The following TRIP11 variants were observed in gnomAD, a reference collection of about 807,000 sequenced individuals.
TRIP11 encodes the protein thyroid hormone receptor interactor 11.
A neutral mutation model predicts 223.1 loss-of-function variants in TRIP11; 148 were observed. The observed-to-expected ratio is 0.66, with a 90% CI of 0.58 to 0.76. The LOEUF is 0.76. TRIP11 is among the 30% of genes least tolerant of loss of function. TRIP11 has a pLI of 0.00. For missense variants in TRIP11, 2,043 were observed against 2,222.0 expected, an observed-to-expected ratio of 0.92 and a Z score of 1.62; for synonymous variants, 762 against 772.6, an observed-to-expected ratio of 0.99 and a Z score of 0.23.
At chr14:92,018,799 T>C (rs1256916051) in intron 4 of TRIP11, among the ~76,000 whole-genome samples, 1 of 149,900 alleles carries the variant, frequency 6.7e-6, no homozygotes, top group African/African-American at 2.5e-5. Context: ...CTATTAAAAA[T>C]ACAAAAAAAA....
intron 2 of TRIP11, among the ~76,000 whole-genome samples, 180 bp downstream of exon 2, chr14:92,033,012 C>T (rs1009288244): frequency 1.3e-5 from 2 of 151,786 alleles, no homozygotes; most frequent in Non-Finnish European, 2.9e-5. Flanking sequence ...ACTGCAGTAA[C>T]AGGTAAATAT....
Position 92,011,754 on chromosome 14 carries a change from C to A in TRIP11, c.1227+1G>T. The A allele has an allele frequency of 6.2e-7, 1 of 1,611,228 alleles. No individual in the cohort carries two copies. ...CATAACATTTGTCAAAATTAATTTA[C>A]CTGGTTTAAACTACTCAATCTCATT... On this transcript the variant is annotated splice_donor_variant, in intron 8 of 20. Coordinates refer to ENST00000267622, the MANE Select transcript of TRIP11 (RefSeq NM_004239.4). LOFTEE classifies it high-confidence loss of function.
chr14:91,975,223 C>T lies in TRIP11; in HGVS notation c.5406G>A (p.Val1802=). ...CCAGGATGCTCCCCATTAACCGTAA[C>T]ACTTCATGACGCTGATTTTTCGGTG... is the stretch of plus-strand genomic sequence containing the variant. ...FHTPKNQRHE[V]LRLMGSILGV... is the part of the protein sequence containing the mutation. Residue 1802 remains valine, a synonymous_variant, in exon 18 of 21, where the codon GTG becomes GTA. Transcript: ENST00000267622. 2 of 1,613,866 alleles carry T rather than the reference C, an allele frequency of 1.2e-6. No individual in the cohort carries two copies. The highest frequency in any genetic ancestry group is 1.7e-6 in the Non-Finnish European group (2 of 1,179,844).
intron 8 of TRIP11, among the ~76,000 whole-genome samples, chr14:92,011,475 C>T (rs2056971733): frequency 9.3e-6 from 1 of 107,886 alleles, no homozygotes; most frequent in African/African-American, 3.9e-5. Context: ...CAGAGCAAGA[C>T]TCCGTCTCAA....
At position 91,972,864 on chromosome 14, in the gene TRIP11, A is replaced by C; in HGVS notation, c.5575-3T>G. ...TTAACAAAAAGTTCTGAAAAAGACT[A>C]AGAAAAAATATTTTGGTTATATTAG... On this transcript the variant is annotated splice_polypyrimidine_tract_variant and splice_region_variant and intron_variant, in intron 19 of 20. Transcript: ENST00000267622. The C allele has an allele frequency of 6.2e-7, 1 of 1,608,826 alleles. No homozygotes were observed. The highest frequency in any genetic ancestry group is 1.1e-5 in the South Asian group (1 of 90,656).
chr14:91,993,634 A>G (rs1324719767), intron 15 of TRIP11, among the ~76,000 whole-genome samples, 175 bp downstream of exon 15: 1 of 152,136 alleles, frequency 6.6e-6, no homozygotes, highest in Admixed American at 6.5e-5. Flanking sequence ...CTAAACTATG[A>G]CACCTTAGGG....
intron 1 of TRIP11, among the ~76,000 whole-genome samples, chr14:92,036,128 T>C (rs1008554709): frequency 7.9e-5 from 12 of 152,196 alleles, no homozygotes; most frequent in Non-Finnish European, 1.5e-4. Flanking sequence ...ATTGCTACTC[T>C]GAAGAGGACA....
Position 92,005,111 on chromosome 14 carries a change from G to T in TRIP11, c.2865C>A (p.Thr955=). 6.2e-7 allele frequency: 1 copy of T among 1,613,518 alleles called. No individual in the cohort carries two copies. The highest frequency in any genetic ancestry group is 1.1e-5 in the South Asian group (1 of 91,076). The stretch of plus-strand genomic sequence containing the variant: ...CCTCATCCTTCTCTAAAAAGAGCTG[G>T]GTGTGTGTGGCGTTCATTTGCTCAT... ...YQHEQMNATH[T]QLFLEKDEEI... The change falls in exon 11 of 21, where the codon ACC becomes ACA. Residue 955 remains threonine (T), a synonymous_variant. Coordinates refer to ENST00000267622, the MANE Select transcript of TRIP11 (RefSeq NM_004239.4).
At chr14:91,994,857 T>C (rs1794576102) in intron 14 of TRIP11, among the ~76,000 whole-genome samples, 1 of 152,212 alleles carries the variant, frequency 6.6e-6, no homozygotes, top group Non-Finnish European at 1.5e-5. Flanking sequence ...ACCTTCCATA[T>C]GGACTAGAAA....
At position 92,003,769 on chromosome 14, in the gene TRIP11, C is replaced by A. The variant is rs554714508; in HGVS notation, c.4207G>T (p.Asp1403Tyr). Residue 1403 changes from aspartate (D) to tyrosine (Y), a missense_variant, in exon 11 of 21, where the codon GAT becomes TAT. Asp to Tyr is a radical substitution (Grantham distance 160, BLOSUM62 -3). Transcript: ENST00000267622. ...SEIKQLKEKQDVLQKLLKEKD... is the reference protein window; with the variant it reads ...SEIKQLKEKQYVLQKLLKEKD... ...TCCTTAAGTAACTTTTGCAAAACAT[C>A]TTGTTTCTCCTTTAGCTGCTTGATT... 1.1e-5 allele frequency: 17 copies of A among 1,614,150 alleles called. No homozygotes were observed. In the African/African-American group the frequency reaches 1.9e-4, roughly 18 times the overall value.
At chr14:91,973,217 G>A (rs1018903768) in intron 19 of TRIP11, among the ~76,000 whole-genome samples, 5 of 151,846 alleles carry the variant, frequency 3.3e-5, no homozygotes, top group African/African-American at 9.7e-5. Flanking sequence ...GCAGAGACGG[G>A]GTTTCACCAT....
intron 2 of TRIP11, among the ~76,000 whole-genome samples, chr14:92,028,816 A>G (rs566917884): frequency 2.0e-5 from 3 of 152,324 alleles, no homozygotes; most frequent in South Asian, 2.1e-4. Flanking sequence ...TGCTATTGAA[A>G]TCCATAGGAC....
chr14:91,990,030 C>T (rs778976375), intron 15 of TRIP11, among the ~76,000 whole-genome samples: 3 of 152,094 alleles, frequency 2.0e-5, no homozygotes, highest in Non-Finnish European at 4.4e-5. Context: ...TTCAGACTTG[C>T]TTATCCAGCG....
Position 92,006,467 on chromosome 14 carries a change from T to C in TRIP11, c.1528-19A>G, listed in dbSNP as rs2056904657. 3 of 1,610,800 alleles carry C rather than the reference T, an allele frequency of 1.9e-6. No homozygotes were observed. The highest frequency in any genetic ancestry group is 2.5e-6 in the Non-Finnish European group (3 of 1,179,598). ...TCATGTGCTGAAAGAAAAATTTGCA[T>C]GGTGACTTTACAACATGTTCTCATT... On this transcript the variant is annotated intron_variant, in intron 10 of 20. Coordinates refer to ENST00000267622, the MANE Select transcript of TRIP11 (RefSeq NM_004239.4).
intron 1 of TRIP11, among the ~76,000 whole-genome samples, chr14:92,039,051 T>G (rs567696952): frequency 6.6e-6 from 1 of 152,132 alleles, no homozygotes; most frequent in South Asian, 2.1e-4. Flanking sequence ...AAGTAAAAAA[T>G]AATTAAATAG....
intron 18 of TRIP11, 136 bp downstream of exon 18, chr14:91,975,036 T>C (rs193243330): frequency 5.5e-5 from 46 of 840,434 alleles, no homozygotes; most frequent in South Asian, 3.7e-4. Context: ...CTCTTCAATG[T>C]TGTATGAAGT....
Position 92,014,216 on chromosome 14 carries a change from A to G in TRIP11, c.1185T>C (p.Ser395=), listed in dbSNP as rs1182821513. 6.2e-7 allele frequency: 1 copy of G among 1,614,026 alleles called. No individual in the cohort carries two copies. Residue 395 remains serine (S), a splice_region_variant and synonymous_variant, in exon 7 of 21, where the codon TCT becomes TCC. Transcript: ENST00000267622. ...EEVFRLQQAL[S]DAENEIMRLS... The stretch of plus-strand genomic sequence containing the variant: ...AAATAAGTTCCAAAGACTGTATACC[A>G]GACAGTGCTTGTTGTAGTCTGAACA...
At position 91,966,371 on chromosome 14, in the gene TRIP11, A is replaced by C. The variant is rs1285949870; in HGVS notation, c.*3302T>G. On this transcript the variant is annotated 3_prime_UTR_variant, in exon 21 of 21. Coordinates refer to ENST00000267622, the MANE Select transcript of TRIP11 (RefSeq NM_004239.4). ...TTGATATTTACAAAACTTAAAGATA[A>C]ATTTTTGTGGATGGAAGATGTCTTG... 1 of 183,992 alleles carries C rather than the reference A, an allele frequency of 5.4e-6. No homozygotes were observed. The highest frequency in any genetic ancestry group is 2.3e-5 in the African/African-American group (1 of 42,576). 11.4% of individuals were successfully genotyped at this position (183,992 alleles called of 1,614,324 possible).
At chr14:91,995,111 T>G (rs547442243) in intron 14 of TRIP11, among the ~76,000 whole-genome samples, 121 of 152,326 alleles carry the variant, frequency 7.9e-4, no homozygotes, top group African/African-American at 2.8e-3. Flanking sequence ...TCAACTCTCA[T>G]CTCTCACTGG....
Sources: gnomAD v4.1 joint callset for allele counts (sites outside exome capture counted in the v4.1 genomes callset) on GRCh38, gnomAD v4.1.1 for gene constraint, MANE v1.5 for transcripts, NCBI Gene and HGNC (gene_info 2026-07-23, HGNC 2026-07-21) for gene names.